Variants in BTBD8 observed in about 807,000 individuals in gnomAD.
BTBD8 encodes the protein BTB/POZ domain-containing protein 8.
Under a neutral mutation model 162.9 loss-of-function variants are expected in BTBD8, and 110 were observed. The observed-to-expected ratio is 0.68, with a 90% CI of 0.58 to 0.79. The LOEUF (loss-of-function observed/expected upper bound fraction) is 0.79. Ranked by LOEUF, BTBD8 falls within the 30% of genes least tolerant of loss-of-function variation. BTBD8 has a pLI of 0.00. For synonymous variants in BTBD8, 667 were observed against 716.1 expected, an observed-to-expected ratio of 0.93 and a Z score of 1.10; for missense variants, 1,905 against 2,085.4, an observed-to-expected ratio of 0.91 and a Z score of 1.68.
At chr1:92,090,713 T>A (rs1473381027) in intron 2 of BTBD8, among the ~76,000 whole-genome samples, 1 of 152,212 alleles carries the variant, frequency 6.6e-6, no homozygotes, top group Non-Finnish European at 1.5e-5. Flanking sequence ...GCAGATCACC[T>A]GAGATCAGGA....
At chr1:92,096,943 T>C (rs530127545) in intron 2 of BTBD8, among the ~76,000 whole-genome samples, 2 of 152,350 alleles carry the variant, frequency 1.3e-5, no homozygotes, top group South Asian at 4.1e-4. Flanking sequence ...ATTCTCACTT[T>C]TGATGACCTG....
chr1:92,168,963 T>TG lies in BTBD8; in HGVS notation c.1542dup (p.Ser515GlufsTer4), dbSNP rs1650461430. ...CGTCACACAGAAAGCTGGAAGCTGA[T>TG]GAGCACAGATGATCAACAGAAAATC... On this transcript the variant is annotated frameshift_variant, in exon 12 of 18. Transcript: ENST00000636805. LOFTEE classifies it high-confidence loss of function. The TG allele has an allele frequency of 6.5e-7, 1 of 1,537,642 alleles. No homozygotes were observed. Among genetic ancestry groups the TG allele is most frequent in the Non-Finnish European group, 8.8e-7 (1 of 1,136,664 alleles).
chr1:92,175,172 T>C (rs1650672615), intron 13 of BTBD8, among the ~76,000 whole-genome samples: 1 of 151,542 alleles, frequency 6.6e-6, no homozygotes, highest in South Asian at 2.1e-4. Flanking sequence ...AAAAACCGTT[T>C]GCATACTTAC....
At chr1:92,118,282 CTTTTTTTTTTT>C (rs3040583) in intron 4 of BTBD8, among the ~76,000 whole-genome samples, 2 of 122,316 alleles carry the variant, frequency 1.6e-5, no homozygotes, top group Non-Finnish European at 3.4e-5. Context: ...TTCAGACTTT[CTTTTTTTTTTT>C]TTTTTTTTTG....
chr1:92,138,895 G>C lies in BTBD8; in HGVS notation c.753-455G>C, dbSNP rs983706291. On this transcript the variant is annotated intron_variant, in intron 5 of 17. Transcript: ENST00000636805. ...TCTTTTTCATTTGTGTAATGAGTAC[G>C]TTGGCCAATCTTAGAGCCACTGACA... is the stretch of plus-strand genomic sequence containing the variant. Among the ~76,000 whole-genome samples, 6 of 152,230 alleles carry C rather than the reference G, an allele frequency of 3.9e-5. No individual in the cohort carries two copies. In the East Asian group the frequency reaches 9.6e-4, roughly 24 times the overall value.
At position 92,181,631 on chromosome 1, in the gene BTBD8, T is replaced by C. The variant is rs1650910146; in HGVS notation, c.3948T>C (p.Asn1316=). The C allele has an allele frequency of 1.3e-6, 2 of 1,550,358 alleles. No homozygotes were observed. The highest frequency in any genetic ancestry group is 2.4e-5 in the South Asian group (2 of 83,862). ...AAGAATTAAAAATTTATGATAGTAA[T>C]TTAAGAATTGAAGTAAAAATGAAAA... ...TPEELKIYDS[N]LRIEVKMKKQ... The change falls in exon 17 of 18, where the codon AAT becomes AAC. Residue 1316 remains asparagine (N), a synonymous_variant. Coordinates refer to ENST00000636805, the MANE Select transcript of BTBD8 (RefSeq NM_001376131.1).
chr1:92,133,316 A>C (rs1169529635), intron 5 of BTBD8, among the ~76,000 whole-genome samples: 4 of 152,166 alleles, frequency 2.6e-5, no homozygotes, highest in Non-Finnish European at 5.9e-5. Flanking sequence ...ATTAAATGAG[A>C]TACAGTAAGG....
At chr1:92,183,735 A>T (rs570368) in intron 17 of BTBD8, 129 bp from the exon 18 acceptor site, 372,462 of 537,472 alleles carry the variant, frequency 0.69, 135,496 homozygotes, top group East Asian at 0.96. Context: ...TTTGTATAGA[A>T]GTTATTTTTC....
At chr1:92,087,967 A>G (rs149534630) in intron 1 of BTBD8, among the ~76,000 whole-genome samples, 2 of 152,362 alleles carry the variant, frequency 1.3e-5, no homozygotes, top group East Asian at 3.9e-4. Flanking sequence ...GACATTTTCT[A>G]TTATGTTGAT....
At position 92,147,713 on chromosome 1, in the gene BTBD8, G is replaced by GGTCT; in HGVS notation, c.1051_1054dup (p.Glu352ValfsTer2). The GGTCT allele has an allele frequency of 6.2e-7, 1 of 1,612,944 alleles. No homozygotes were observed. The highest frequency in any genetic ancestry group is 8.5e-7 in the Non-Finnish European group (1 of 1,179,682). On this transcript the variant is annotated frameshift_variant, in exon 9 of 18. Transcript: ENST00000636805. LOFTEE classifies it high-confidence loss of function. Reference sequence around the variant, plus strand: ...ATTGTAAAGCATTTTGCAAGGTTTTGGTCTGAGAGAAGCTTTGCAAATATA... The same window carrying GGTCT: ...ATTGTAAAGCATTTTGCAAGGTTTTGGTCTGTCTGAGAGAAGCTTTGCAAATATA...
At chr1:92,088,238 T>C (rs1381901908) in intron 1 of BTBD8, among the ~76,000 whole-genome samples, 4 of 152,218 alleles carry the variant, frequency 2.6e-5, no homozygotes, top group African/African-American at 4.8e-5. Context: ...TCTACTGATA[T>C]GTGTGGTTTG....
chr1:92,115,353 C>T, intron 4 of BTBD8: 1 of 458,142 alleles, frequency 2.2e-6, no homozygotes, highest in Non-Finnish European at 4.2e-6. Flanking sequence ...GTTGGTGGTA[C>T]AGGAGACATT....
intron 4 of BTBD8, 73 bp from the exon 5 acceptor site, chr1:92,129,614 A>C: frequency 8.2e-7 from 1 of 1,221,718 alleles, no homozygotes. Context: ...TAAAGATGAA[A>C]ATTTTCATAA....
chr1:92,132,334 TC>T (rs1422153386), intron 5 of BTBD8, among the ~76,000 whole-genome samples: 1 of 151,828 alleles, frequency 6.6e-6, no homozygotes, highest in East Asian at 1.9e-4. Flanking sequence ...TTTTCAGTCT[TC>T]CTTAATCACC....
chr1:92,150,611 G>A (rs1374973212), intron 9 of BTBD8: 3 of 152,104 alleles, frequency 2.0e-5, no homozygotes, highest in African/African-American at 7.2e-5. Context: ...TTTCAGTTGT[G>A]GGTGGCTGGA....
intron 8 of BTBD8, 54 bp downstream of exon 8, chr1:92,147,322 G>A: frequency 6.8e-7 from 1 of 1,470,890 alleles, no homozygotes; most frequent in South Asian, 1.2e-5. Context: ...TTGTTTTTCT[G>A]TTCTTCTAAT....
intron 4 of BTBD8, among the ~76,000 whole-genome samples, chr1:92,120,633 G>A (rs1313984950): frequency 2.6e-5 from 4 of 152,120 alleles, no homozygotes; most frequent in Admixed American, 2.6e-4. Context: ...TGTGAGTAAT[G>A]CTTTGCACTT....
chr1:92,122,264 TA>T (rs201831672), intron 4 of BTBD8, among the ~76,000 whole-genome samples: 1,751 of 74,448 alleles, frequency 0.024, 24 homozygotes, highest in African/African-American at 0.12. Context: ...TTATTATTAT[TA>T]TTTTTTTTTT....
Position 92,180,463 on chromosome 1 carries a change from A to T in BTBD8, c.2780A>T (p.Lys927Met). 1 of 1,550,996 alleles carries T rather than the reference A, an allele frequency of 6.4e-7. No homozygotes were observed. The change falls in exon 17 of 18, where the codon AAG becomes ATG. Residue 927 changes from lysine (K) to methionine (M), a missense_variant. Physicochemically the swap from Lys to Met is moderately conservative, Grantham distance 95. Around this residue, in one of 3 missense-constraint regions of BTBD8, gnomAD observed 1,374 missense variants for 1,442.7 expected, o/e 0.95. Coordinates refer to ENST00000636805, the MANE Select transcript of BTBD8 (RefSeq NM_001376131.1). ...ATGCCTAAAAATCTAAATCAGTCAA[A>T]GAAAGGTGAAACTTTGAATAATAAA... ...VAMPKNLNQS[K>M]KGETLNNKDS... is the part of the protein sequence containing the mutation.
Sources: gnomAD v4.1 joint callset for allele counts (sites outside exome capture counted in the v4.1 genomes callset) on GRCh38, gnomAD v4.1.1 for gene constraint, gnomAD v4.1.1 regional missense constraint, MANE v1.5 for transcripts, NCBI Gene and HGNC (gene_info 2026-07-23, HGNC 2026-07-21) for gene names.